Variants in HECW2 observed in about 807,000 individuals in gnomAD.
HECW2 encodes HECT, C2 and WW domain containing E3 ubiquitin protein ligase 2.
A neutral mutation model predicts 175.2 loss-of-function variants in HECW2; 61 were observed. That is an observed-to-expected ratio of 0.35 (90% CI 0.28 to 0.43). The LOEUF (loss-of-function observed/expected upper bound fraction) is 0.43, where lower values mean the gene tolerates loss of function less well. HECW2 is among the 20% of genes least tolerant of loss of function. The pLI is 1.00. For missense variants in HECW2, 1,524 were observed against 2,000.5 expected, an observed-to-expected ratio of 0.76 and a Z score of 4.54; for synonymous variants, 671 against 731.0, an observed-to-expected ratio of 0.92 and a Z score of 1.32.
chr2:196,491,363 TATATATAC>T (rs1325084386), intron 1 of HECW2, among the ~76,000 whole-genome samples: 16 of 68,572 alleles, frequency 2.3e-4, no homozygotes, highest in African/African-American at 7.4e-4. Flanking sequence ...CAAAATCATA[TATATATAC>T]ACACACACAC....
At chr2:196,454,239 T>C (rs898320838) in intron 1 of HECW2, among the ~76,000 whole-genome samples, 28 of 152,208 alleles carry the variant, frequency 1.8e-4, no homozygotes, top group African/African-American at 6.8e-4. Context: ...ATAATACATG[T>C]ATAGTTACTT....
chr2:196,584,939 A>T (rs1357161153), intron 1 of HECW2, among the ~76,000 whole-genome samples: 1 of 152,210 alleles, frequency 6.6e-6, no homozygotes, highest in Non-Finnish European at 1.5e-5. Flanking sequence ...ATTGTTAAGA[A>T]GTTAATATAA....
At chr2:196,552,970 T>G (rs762206903) in intron 1 of HECW2, among the ~76,000 whole-genome samples, 19 of 152,186 alleles carry the variant, frequency 1.2e-4, no homozygotes, top group Middle Eastern at 3.2e-3. Flanking sequence ...GAAAAATGTT[T>G]CCATTACCTA....
intron 17 of HECW2, among the ~76,000 whole-genome samples, chr2:196,266,932 C>T (rs7580980): frequency 0.05 from 7,623 of 152,202 alleles, 603 homozygotes; most frequent in African/African-American, 0.17. Flanking sequence ...AATCCTGAGA[C>T]ACATATCCAT....
intron 17 of HECW2, chr2:196,263,811 C>A (rs1263684905): frequency 1.3e-5 from 2 of 152,208 alleles, no homozygotes; most frequent in East Asian, 3.8e-4. Context: ...TTACTTAACT[C>A]TGTTTCCTCA....
chr2:196,379,684 C>CAAAAA lies in HECW2; in HGVS notation c.293-35925_293-35921dup, dbSNP rs1228923177. 1.9e-3 allele frequency among the ~76,000 whole-genome samples: 54 copies of CAAAAA among 28,206 alleles called. 5 individuals carry two copies. The highest frequency in any genetic ancestry group is 3.7e-3 in the Admixed American group (9 of 2,440). The allele number at this position is 28,206 out of a possible 152,430, so 18.5% of individuals were successfully genotyped here. A position where few individuals can be genotyped will look rare whatever the true frequency, so the allele number is the denominator to read the frequency against. On this transcript the variant is annotated intron_variant, in intron 2 of 28. Coordinates refer to ENST00000644978, the MANE Select transcript of HECW2 (RefSeq NM_001348768.2). ...TGGGCGACAGAGCAATACTCCGTCTCAAAAAAAAAAAAAAAAAAACAAAAA... is the reference window on the plus strand; with the variant it reads ...TGGGCGACAGAGCAATACTCCGTCTCAAAAAAAAAAAAAAAAAAAAAAAACAAAAA...
Position 196,201,288 on chromosome 2 carries a change from C to T in HECW2, c.4708G>A (p.Gly1570Arg). The change falls in exon 29 of 29, where the codon GGA becomes AGA. Residue 1570 changes from glycine (G) to arginine (R), a missense_variant. Physicochemically the swap from Gly to Arg is moderately radical, Grantham distance 125. This residue lies in a region of HECW2 where 134 missense variants were observed against 287.8 expected (regional missense o/e 0.47). Coordinates refer to ENST00000644978, the MANE Select transcript of HECW2 (RefSeq NM_001348768.2). The part of the protein sequence containing the change: ...LTAVEETSTF[G>R]LE ...ATTCAGCTTCCAGGTCACTCAAGTCCAAAAGTACTGGTTTCTTCAACTGCT... is the reference window on the plus strand; with the variant it reads ...ATTCAGCTTCCAGGTCACTCAAGTCTAAAAGTACTGGTTTCTTCAACTGCT... The T allele has an allele frequency of 6.2e-7, 1 of 1,611,674 alleles. No homozygotes were observed. The highest frequency in any genetic ancestry group is 8.5e-7 in the Non-Finnish European group (1 of 1,177,898).
At chr2:196,478,103 T>C (rs75448449) in intron 1 of HECW2, among the ~76,000 whole-genome samples, 1 of 151,636 alleles carries the variant, frequency 6.6e-6, no homozygotes, top group Non-Finnish European at 1.5e-5. Context: ...AAAAAAAAAC[T>C]CACAGAGTAC....
chr2:196,282,759 T>C (rs1219940309), intron 14 of HECW2, among the ~76,000 whole-genome samples: 2 of 152,194 alleles, frequency 1.3e-5, no homozygotes, highest in Non-Finnish European at 2.9e-5. Context: ...TCAAAGGCTC[T>C]GTTCTATCAG....
intron 1 of HECW2, among the ~76,000 whole-genome samples, chr2:196,593,221 G>A (rs1228822131): frequency 6.6e-6 from 1 of 151,636 alleles, no homozygotes; most frequent in African/African-American, 2.4e-5. Flanking sequence ...CGCCGATTGT[G>A]TCGAGTCAGC....
chr2:196,467,741 C>T (rs1026324606), intron 1 of HECW2, among the ~76,000 whole-genome samples: 8 of 152,194 alleles, frequency 5.3e-5, no homozygotes, highest in Non-Finnish European at 1.0e-4. Context: ...TTTCTCATTT[C>T]TGAGCAAAAC....
intron 1 of HECW2, among the ~76,000 whole-genome samples, chr2:196,473,575 T>A (rs144172989): frequency 1.3e-5 from 2 of 152,172 alleles, no homozygotes; most frequent in Admixed American, 1.3e-4. Context: ...TTTTTAGAGA[T>A]AATTTATTAG....
At chr2:196,563,859 C>T (rs75188551) in intron 1 of HECW2, among the ~76,000 whole-genome samples, 1,912 of 152,208 alleles carry the variant, frequency 0.013, 40 homozygotes, top group African/African-American at 0.044. Flanking sequence ...AACATAATCC[C>T]TTTGCAATCT....
At chr2:196,309,131 C>T (rs1691382780) in intron 10 of HECW2, among the ~76,000 whole-genome samples, 13 of 152,160 alleles carry the variant, frequency 8.5e-5, no homozygotes, top group Admixed American at 8.5e-4. Context: ...TCCTGACCAC[C>T]TATGGCATTT....
intron 14 of HECW2, among the ~76,000 whole-genome samples, chr2:196,281,732 TA>T (rs1690197783): frequency 7.1e-6 from 1 of 140,518 alleles, no homozygotes; most frequent in African/African-American, 2.7e-5. Context: ...CTAAAGACCC[TA>T]AAACCACAAA....
intron 2 of HECW2, among the ~76,000 whole-genome samples, chr2:196,416,166 A>G (rs1021073349): frequency 6.6e-6 from 1 of 152,206 alleles, no homozygotes; most frequent in South Asian, 2.1e-4. Flanking sequence ...CATCAGTTAC[A>G]GTTTAGAGAA....
At chr2:196,252,538 T>A (rs905134768) in intron 19 of HECW2, among the ~76,000 whole-genome samples, 2 of 152,104 alleles carry the variant, frequency 1.3e-5, no homozygotes, top group Non-Finnish European at 2.9e-5. Flanking sequence ...AGGTGTGTGG[T>A]ACCTCCCCCC....
intron 2 of HECW2, among the ~76,000 whole-genome samples, chr2:196,379,482 G>A (rs576746940): frequency 2.6e-5 from 4 of 152,022 alleles, no homozygotes; most frequent in South Asian, 4.2e-4. Flanking sequence ...TCAGGAGATC[G>A]AAACCATCCT....
chr2:196,503,854 T>C (rs75449183), intron 1 of HECW2, among the ~76,000 whole-genome samples: 24,485 of 152,220 alleles, frequency 0.16, 2,059 homozygotes, highest in Middle Eastern at 0.26. Context: ...ACAACCCCCA[T>C]ATTTTTAAAA....
Sources: gnomAD v4.1 joint callset for allele counts (sites outside exome capture counted in the v4.1 genomes callset) on GRCh38, gnomAD v4.1.1 for gene constraint, gnomAD v4.1.1 regional missense constraint, MANE v1.5 for transcripts, NCBI Gene and HGNC (gene_info 2026-07-23, HGNC 2026-07-21) for gene names.